MEGF9: variants seen among roughly 807,000 people sequenced by gnomAD.
MEGF9 encodes multiple epidermal growth factor-like domains protein 9.
MEGF9 carries 6 observed loss-of-function variants against 46.8 expected under a neutral mutation model. The observed-to-expected ratio is 0.13, with a 90% confidence interval of 0.07 to 0.25. The LOEUF is 0.25. Ranked by LOEUF, MEGF9 falls within the 10% of genes least tolerant of loss-of-function variation. The pLI, the probability that MEGF9 is intolerant of heterozygous loss-of-function variation, is 1.00. For missense variants in MEGF9, 683 were observed against 792.4 expected (o/e 0.86, Z 1.66); for synonymous variants, 302 against 330.7 (o/e 0.91, Z 0.94).
chr9:120,660,754 A>G (rs2043698610), intron 1 of MEGF9, among the ~76,000 whole-genome samples: 1 of 152,250 alleles, frequency 6.6e-6, no homozygotes, highest in African/African-American at 2.4e-5. Context: ...CAGCAGTAAC[A>G]GAGGACTTTG....
At chr9:120,713,709 G>A (rs1347843505) in intron 1 of MEGF9, 49 bp downstream of exon 1, 6 of 1,268,158 alleles carry the variant, frequency 4.7e-6, no homozygotes, top group Admixed American at 7.3e-5. Flanking sequence ...CTAGATTGCC[G>A]GGGCTGAGGT....
At chr9:120,624,592 G>A (rs1362217865) in intron 2 of MEGF9, among the ~76,000 whole-genome samples, 1 of 152,130 alleles carries the variant, frequency 6.6e-6, no homozygotes, top group East Asian at 1.9e-4. Flanking sequence ...TATAGGCCGG[G>A]CGTGGTGGCT....
chr9:120,661,343 G>A (rs1361367134), intron 1 of MEGF9, among the ~76,000 whole-genome samples: 1 of 152,014 alleles, frequency 6.6e-6, no homozygotes, highest in Non-Finnish European at 1.5e-5. Flanking sequence ...GTGAAACCAC[G>A]TCTCTACCAA....
intron 2 of MEGF9, among the ~76,000 whole-genome samples, chr9:120,641,728 T>C (rs2132313593): frequency 6.6e-6 from 1 of 152,342 alleles, no homozygotes; most frequent in South Asian, 2.1e-4. Context: ...CTCTACTAAA[T>C]TAACTGTACT....
intron 2 of MEGF9, among the ~76,000 whole-genome samples, chr9:120,655,376 A>G (rs1587985979): frequency 6.6e-6 from 1 of 152,354 alleles, no homozygotes; most frequent in African/African-American, 2.4e-5. Context: ...ACAGGTTTGT[A>G]GCCTAGAAGC....
chr9:120,636,237 C>T (rs2043573696), intron 2 of MEGF9, among the ~76,000 whole-genome samples: 1 of 152,188 alleles, frequency 6.6e-6, no homozygotes, highest in South Asian at 2.1e-4. Flanking sequence ...CGCGTCCAGC[C>T]TACCTCTTCC....
intron 3 of MEGF9, among the ~76,000 whole-genome samples, chr9:120,621,629 C>T (rs2043499629): frequency 6.6e-6 from 1 of 152,252 alleles, no homozygotes; most frequent in East Asian, 1.9e-4. Flanking sequence ...TTGACTCTAA[C>T]ACCTAGATCA....
intron 1 of MEGF9, among the ~76,000 whole-genome samples, chr9:120,686,078 GTTGA>G (rs2132335345): frequency 6.6e-6 from 1 of 151,136 alleles, no homozygotes; most frequent in South Asian, 2.1e-4. Context: ...GGAAAAGGGA[GTTGA>G]GGGAATTTTT....
Position 120,714,208 on chromosome 9 carries a change from C to A in MEGF9, c.151G>T (p.Val51Leu), listed in dbSNP as rs1174092295. 3.2e-6 allele frequency: 4 copies of A among 1,237,814 alleles called. No homozygotes were observed. The Admixed American group carries it at 1.7e-4, about 53-fold the overall frequency. 76.7% of individuals were successfully genotyped at this position (1,237,814 alleles called of 1,614,324 possible). A position where few individuals can be genotyped will look rare whatever the true frequency, so the allele number is the denominator to read the frequency against. The part of the protein sequence containing the change: ...VTGGGGAAGQ[V>L]DASPGPGLRG... ...AACCCGGGGCCCGGCGACGCGTCCA[C>A]CTGCCCCGCGGCCCCGCCGCCACCG... is the stretch of plus-strand genomic sequence containing the variant. Residue 51 changes from valine to leucine, a missense_variant, in exon 1 of 6, where the codon GTG (valine) becomes TTG (leucine). Val to Leu is a conservative substitution (Grantham distance 32, BLOSUM62 1). Around this residue, in one of 2 missense-constraint regions of MEGF9, gnomAD observed 370 missense variants for 371.3 expected, o/e 1.00. Transcript: ENST00000373930.
Position 120,601,032 on chromosome 9 carries a change from A to G in MEGF9, c.*4158T>C, listed in dbSNP as rs894634304. On this transcript the variant is annotated 3_prime_UTR_variant, in exon 6 of 6. Coordinates refer to ENST00000373930, the MANE Select transcript of MEGF9 (RefSeq NM_001080497.3). ...AATTTAGAAATGCATGATGAAGCCTAGTACAGCATATGTATGAGACACATT... is the reference window on the plus strand; with the variant it reads ...AATTTAGAAATGCATGATGAAGCCTGGTACAGCATATGTATGAGACACATT... The G allele has an allele frequency of 2.6e-5, 4 of 152,688 alleles. No individual in the cohort carries two copies. Among genetic ancestry groups the G allele is most frequent in the African/African-American group, 9.6e-5 (4 of 41,472 alleles). The allele number at this position is 152,688 out of a possible 1,614,324, so 9.5% of individuals were successfully genotyped here. A position where few individuals can be genotyped will look rare whatever the true frequency, so the allele number is the denominator to read the frequency against.
intron 1 of MEGF9, among the ~76,000 whole-genome samples, chr9:120,704,889 A>G (rs1458490769): frequency 6.6e-6 from 1 of 152,232 alleles, no homozygotes; most frequent in Non-Finnish European, 1.5e-5. Context: ...GAAATTAATT[A>G]TATACTGGTA....
rs961718539 is a variant in MEGF9, at chr9:120,714,411, A to G, written c.-53T>C. On this transcript the variant is annotated 5_prime_UTR_variant, in exon 1 of 6. Transcript: ENST00000373930. ...TCTTCTCCTCGTTGCAATCCGACCA[A>G]GGAAGCCTCCGCAACCGCCGCCGCC... 7 of 1,239,384 alleles carry G rather than the reference A, an allele frequency of 5.6e-6. No homozygotes were observed. The highest frequency in any genetic ancestry group is 7.1e-6 in the Non-Finnish European group (7 of 985,584). 76.8% of individuals were successfully genotyped at this position (1,239,384 alleles called of 1,614,324 possible). A position where few individuals can be genotyped will look rare whatever the true frequency, so the allele number is the denominator to read the frequency against.
intron 2 of MEGF9, among the ~76,000 whole-genome samples, chr9:120,656,248 G>T (rs2132321090): frequency 1.3e-5 from 2 of 152,088 alleles, no homozygotes; most frequent in South Asian, 4.1e-4. Context: ...GGGAGTTTTT[G>T]TAAAAATTAA....
Position 120,614,922 on chromosome 9 carries a change from T to TATAC in MEGF9, c.944-2387_944-2384dup, listed in dbSNP as rs1310247096. Reference sequence around the variant, plus strand: ...CATGTTGCTACCCTTTATATACATATATACATACATACATATATATATGTA... The same window carrying TATAC: ...CATGTTGCTACCCTTTATATACATATATACATACATACATACATATATATATGTA... On this transcript the variant is annotated intron_variant, in intron 3 of 5. Coordinates refer to ENST00000373930, the MANE Select transcript of MEGF9 (RefSeq NM_001080497.3). 2.6e-5 allele frequency among the ~76,000 whole-genome samples: 4 copies of TATAC among 152,062 alleles called. No homozygotes were observed. The East Asian group carries it at 5.8e-4, about 22-fold the overall frequency.
At chr9:120,613,590 A>C (rs779917813) in intron 3 of MEGF9, among the ~76,000 whole-genome samples, 55 of 152,146 alleles carry the variant, frequency 3.6e-4, no homozygotes, top group Admixed American at 9.8e-4. Context: ...TAAAGAAAAG[A>C]AAAAAACAAA....
Position 120,604,259 on chromosome 9 carries a change from T to TA in MEGF9, c.*930dup, listed in dbSNP as rs1394840844. The stretch of plus-strand genomic sequence containing the variant: ...TTTCAGCAATGTCCTCAAGAAGGAC[T>TA]AAAAATGACGGATGCTCACCAGAGT... On this transcript the variant is annotated 3_prime_UTR_variant, in exon 6 of 6. Transcript: ENST00000373930. 6.6e-6 allele frequency: 1 copy of TA among 152,400 alleles called. No homozygotes were observed. Among genetic ancestry groups the TA allele is most frequent in the South Asian group, 2.1e-4 (1 of 4,836 alleles). 9.4% of individuals were successfully genotyped at this position (152,400 alleles called of 1,614,324 possible).
At chr9:120,713,613 A>G (rs987498641) in intron 1 of MEGF9, 145 bp downstream of exon 1, 2 of 1,138,052 alleles carry the variant, frequency 1.8e-6, no homozygotes, top group Non-Finnish European at 2.2e-6. Context: ...GAGGGAGACT[A>G]GCTGGACCTG....
intron 2 of MEGF9, among the ~76,000 whole-genome samples, chr9:120,635,154 C>T (rs1300570144): frequency 6.6e-6 from 1 of 152,090 alleles, no homozygotes; most frequent in East Asian, 1.9e-4. Flanking sequence ...CTTTCCTGGC[C>T]TGTAAGATTT....
At chr9:120,654,431 C>T (rs1027284585) in intron 2 of MEGF9, among the ~76,000 whole-genome samples, 3 of 152,136 alleles carry the variant, frequency 2.0e-5, no homozygotes, top group East Asian at 3.9e-4. Context: ...TATAATGAAG[C>T]TGAAAAATTC....
Sources: gnomAD v4.1 joint callset for allele counts (sites outside exome capture counted in the v4.1 genomes callset) on GRCh38, gnomAD v4.1.1 for gene constraint, gnomAD v4.1.1 regional missense constraint, MANE v1.5 for transcripts, NCBI Gene and HGNC (gene_info 2026-07-23, HGNC 2026-07-21) for gene names.